The following TULP2 variants were observed in gnomAD, a reference collection of about 807,000 sequenced individuals.
TULP2 encodes the protein TUB like protein 2.
In TULP2, 64 loss-of-function variants were observed where a neutral mutation model predicts 60.3. The ratio of observed to expected loss-of-function variants is 1.06; its 90% CI spans 0.87 to 1.31. The LOEUF (loss-of-function observed/expected upper bound fraction) is 1.31. TULP2 is among the 50% of genes most tolerant of loss of function. TULP2 has a pLI of 0.00. For synonymous variants in TULP2, 267 were observed against 265.4 expected, an observed-to-expected ratio of 1.01 and a Z score of -0.06; for missense variants, 652 against 667.0, an observed-to-expected ratio of 0.98 and a Z score of 0.25.
chr19:48,883,854 T>C lies in TULP2; in HGVS notation c.1177-2A>G. 1.2e-6 allele frequency: 2 copies of C among 1,614,152 alleles called. No homozygotes were observed. The highest frequency in any genetic ancestry group is 1.7e-6 in the Non-Finnish European group (2 of 1,180,028). ...CAGGTATCCTAAGACGTTGGGCTCC[T>C]GGGGGTATTACATTCCAGTTGGCCT... On this transcript the variant is annotated splice_acceptor_variant, in intron 10 of 12. Transcript: ENST00000221399. LOFTEE classifies it high-confidence loss of function.
intron 4 of TULP2, 92 bp downstream of exon 4, chr19:48,896,338 T>A (rs2122143918): frequency 4.9e-6 from 7 of 1,429,122 alleles, no homozygotes; most frequent in African/African-American, 1.5e-5. Context: ...GTCCCCACCC[T>A]AAGGCTCCAC....
intron 6 of TULP2, among the ~76,000 whole-genome samples, chr19:48,891,012 G>A (rs1340514770): frequency 1.3e-5 from 2 of 150,630 alleles, no homozygotes; most frequent in Non-Finnish European, 3.0e-5. Flanking sequence ...ACTACCACAC[G>A]GATGAACCTT....
At position 48,881,121 on chromosome 19, in the gene TULP2, GTTC is replaced by G. The variant is rs766208567; in HGVS notation, c.1450_1452del (p.Glu484del). 227 of 1,588,690 alleles carry G rather than the reference GTTC, an allele frequency of 1.4e-4. 4 individuals are homozygous for G. The South Asian group carries it at 2.4e-3, about 17-fold the overall frequency. ...ACTCGGCCGAACTGGAGCACCAGAT[GTTC>G]TTCTGAGAAGTGAATCAGGAACAAA... On this transcript the variant is annotated inframe_deletion and splice_region_variant, in exon 13 of 13. Transcript: ENST00000221399.
intron 6 of TULP2, 98 bp downstream of exon 6, chr19:48,894,900 G>C: frequency 1.2e-5 from 18 of 1,440,504 alleles, no homozygotes; most frequent in South Asian, 1.1e-4. Flanking sequence ...TGTATGGTTT[G>C]TGAATTATAC....
rs1440154471 is a variant in TULP2 at position 48,888,239 on chromosome 19, CTCT to C, written c.656_658del (p.Lys219del). On this transcript the variant is annotated inframe_deletion, in exon 8 of 13. Transcript: ENST00000221399. The stretch of plus-strand genomic sequence containing the variant: ...CGTCCCTGTAGACTCAGAGGCCTCT[CTCT>C]TCTTTTCCAAGTCTTCTTCCTAGCC... 6.3e-6 allele frequency: 10 copies of C among 1,593,802 alleles called. No individual in the cohort carries two copies. Among genetic ancestry groups the C allele is most frequent in the Non-Finnish European group, 6.9e-6 (8 of 1,165,802 alleles).
At chr19:48,884,495 G>A (rs1024031324) in intron 9 of TULP2, among the ~76,000 whole-genome samples, 2 of 151,754 alleles carry the variant, frequency 1.3e-5, no homozygotes, top group Non-Finnish European at 2.9e-5. Flanking sequence ...ATGAGGCCGG[G>A]TACGGTGGCT....
At position 48,885,504 on chromosome 19, in the gene TULP2, G is replaced by C. The variant is rs2037171505; in HGVS notation, c.1005C>G (p.Ile335Met). 1 of 1,614,018 alleles carries C rather than the reference G, an allele frequency of 6.2e-7. No homozygotes were observed. Among genetic ancestry groups the C allele is most frequent in the Non-Finnish European group, 8.5e-7 (1 of 1,179,942 alleles). The change falls in exon 9 of 13, where the codon ATC becomes ATG. Residue 335 changes from isoleucine to methionine, a missense_variant. Transcript: ENST00000221399. Reference protein sequence around the residue: ...RRRSKTSNYLISLDPTHLSRD... With the variant: ...RRRSKTSNYLMSLDPTHLSRD... ...GAGATAGGTGTGTAGGATCCAGGGA[G>C]ATGAGGTAATTAGAAGTTTTGCTCC...
rs984573288 is a variant in TULP2, at chr19:48,897,733, C to T, written c.32+104G>A. 3.0e-5 allele frequency: 37 copies of T among 1,252,828 alleles called. No homozygotes were observed. Among genetic ancestry groups the T allele is most frequent in the Non-Finnish European group, 3.6e-5 (31 of 853,600 alleles). The allele number at this position is 1,252,828 out of a possible 1,614,324, so 77.6% of individuals were successfully genotyped here. On this transcript the variant is annotated intron_variant, in intron 2 of 12. Coordinates refer to ENST00000221399, the MANE Select transcript of TULP2 (RefSeq NM_003323.3). The surrounding 1 kb of genome is among the most constrained non-coding windows in gnomAD (Gnocchi z 4.0). The stretch of plus-strand genomic sequence containing the variant: ...AGGTCCCCAGCCCCTTCCTGCAAGG[C>T]CGATGGTGCTGAACCTGCAAACATG...
chr19:48,894,855 G>A (rs2037263996), intron 6 of TULP2, 143 bp downstream of exon 6: 1 of 1,158,652 alleles, frequency 8.6e-7, no homozygotes, highest in Non-Finnish European at 1.2e-6. Flanking sequence ...CCGTGTACTG[G>A]AAACCATGGA....
intron 8 of TULP2, among the ~76,000 whole-genome samples, chr19:48,887,159 C>T (rs969043012): frequency 4.0e-5 from 6 of 150,348 alleles, no homozygotes; most frequent in Non-Finnish European, 7.4e-5. Flanking sequence ...TTACAGGCGC[C>T]CACAACCACG....
At chr19:48,887,307 A>G (rs1332489912) in intron 8 of TULP2, among the ~76,000 whole-genome samples, 2 of 62,470 alleles carry the variant, frequency 3.2e-5, no homozygotes, top group East Asian at 5.5e-4. Context: ...CACCGCGCCC[A>G]GCCCTTTTTT....
rs2037297648 is a variant in TULP2 at position 48,897,964 on chromosome 19, T to TTTA, written c.-1-98_-1-96dup. The TTTA allele has an allele frequency of 1.1e-6, 1 of 911,348 alleles. No homozygotes were observed. The highest frequency in any genetic ancestry group is 3.8e-5 in the Admixed American group (1 of 26,106). 56.5% of individuals were successfully genotyped at this position (911,348 alleles called of 1,614,324 possible). A position where few individuals can be genotyped will look rare whatever the true frequency, so the allele number is the denominator to read the frequency against. ...ATCTTTAGCCTTATTTATTTATTTA[T>TTTA]TTATTTATTTATTTATGTATTTAGA... On this transcript the variant is annotated intron_variant, in intron 1 of 12. Transcript: ENST00000221399. This position sits in a 1 kb window ranked among gnomAD's most constrained non-coding sequence, Gnocchi z 4.0.
intron 6 of TULP2, among the ~76,000 whole-genome samples, chr19:48,891,673 A>G (rs1172752758): frequency 1.3e-5 from 2 of 152,192 alleles, no homozygotes; most frequent in African/African-American, 4.8e-5. Context: ...CTGAGAGAAG[A>G]AAGAAGACAC....
At position 48,896,387 on chromosome 19, in the gene TULP2, GCCCCT is replaced by G. The variant is rs766410129; in HGVS notation, c.211+38_211+42del. The G allele has an allele frequency of 5.8e-6, 9 of 1,556,116 alleles. No homozygotes were observed. The Admixed American group carries it at 1.2e-4, about 20-fold the overall frequency. On this transcript the variant is annotated intron_variant, in intron 4 of 12. Transcript: ENST00000221399. ...AGGCCCCGCCCACAGACTCCCACAG[GCCCCT>G]CCCCTCCAGGCGAACGCCCCCAGGG...
At chr19:48,891,356 G>A (rs922594724) in intron 6 of TULP2, among the ~76,000 whole-genome samples, 1 of 149,772 alleles carries the variant, frequency 6.7e-6, no homozygotes, top group African/African-American at 2.5e-5. Flanking sequence ...AGGTGGGCCA[G>A]GGGCGGTGGC....
In TULP2 at chr19:48,887,953, C is replaced by A; in HGVS notation, c.945G>T (p.Leu315=). The part of the protein sequence containing the change: ...YYLYLETSDS[L]QRFLLAGRKR... ...CTGTTGGGCTGGCTTACTGCACCTG[C>A]AGGCTGTCAGAGGTCTCCAGGTAGA... Residue 315 remains leucine (L), a synonymous_variant, in exon 8 of 13, where the codon CTG becomes CTT. Coordinates refer to ENST00000221399, the MANE Select transcript of TULP2 (RefSeq NM_003323.3). The A allele has an allele frequency of 6.2e-7, 1 of 1,607,080 alleles. No individual in the cohort carries two copies. The highest frequency in any genetic ancestry group is 2.2e-5 in the East Asian group (1 of 44,650).
At chr19:48,892,876 CTCTT>C (rs1303181590) in intron 6 of TULP2, among the ~76,000 whole-genome samples, 5 of 151,790 alleles carry the variant, frequency 3.3e-5, no homozygotes, top group African/African-American at 9.7e-5. Context: ...GATCTGATCT[CTCTT>C]TCTTTTCCCC....
In TULP2 at chr19:48,884,952, G is replaced by T. The variant is rs185650757; in HGVS notation, c.1061+496C>A. 9.1e-4 allele frequency among the ~76,000 whole-genome samples: 123 copies of T among 135,904 alleles called. 1 individual carries two copies. The highest frequency in any genetic ancestry group is 3.1e-3 in the African/African-American group (117 of 37,274). 89.2% of individuals were successfully genotyped at this position (135,904 alleles called of 152,430 possible). A position where few individuals can be genotyped will look rare whatever the true frequency, so the allele number is the denominator to read the frequency against. On this transcript the variant is annotated intron_variant, in intron 9 of 12. Transcript: ENST00000221399. ...TTTTTTTTCTGTTGCCCAAGCTGGA[G>T]TGCAGTGGCTCAATCTTAGCTTACC...
In TULP2 at chr19:48,896,467, G is replaced by A; in HGVS notation, c.174C>T (p.Arg58=). The change falls in exon 4 of 13, where the codon CGC becomes CGT. Residue 58 remains arginine (R), a synonymous_variant. Coordinates refer to ENST00000221399, the MANE Select transcript of TULP2 (RefSeq NM_003323.3). ...ANPDASPWLW[R]SCLREERLLG... is the part of the protein sequence containing the mutation. ...AAAGGCGCTCCTCCCGCAGACAAGA[G>A]CGCCAAAGCCACGGGGAAGCGTCAG... 3 of 1,611,376 alleles carry A rather than the reference G, an allele frequency of 1.9e-6. No homozygotes were observed. The highest frequency in any genetic ancestry group is 2.5e-6 in the Non-Finnish European group (3 of 1,179,108).
Sources: gnomAD v4.1 joint callset for allele counts (sites outside exome capture counted in the v4.1 genomes callset) on GRCh38, gnomAD v4.1.1 for gene constraint, Gnocchi (gnomAD v3.1) non-coding constraint, MANE v1.5 for transcripts, NCBI Gene and HGNC (gene_info 2026-07-23, HGNC 2026-07-21) for gene names.